GRM5: variants seen among roughly 807,000 people sequenced by gnomAD.
GRM5 encodes the protein glutamate metabotropic receptor 5, also known as metabotropic glutamate receptor 5.
GRM5 carries 19 observed loss-of-function variants against 83.1 expected under a neutral mutation model. The observed-to-expected ratio is 0.23, with a 90% CI of 0.16 to 0.34. The LOEUF (loss-of-function observed/expected upper bound fraction) is 0.34, where lower values mean the gene tolerates loss of function less well. Ranked by LOEUF, GRM5 falls within the 10% of genes least tolerant of loss-of-function variation. GRM5 has a pLI of 1.00. For missense variants in GRM5, 1,160 were observed against 1,588.3 expected (o/e 0.73, Z 4.58); for synonymous variants, 675 against 633.6 (o/e 1.07, Z -0.98).
At chr11:88,954,885 A>G (rs1938561901) in intron 2 of GRM5, among the ~76,000 whole-genome samples, 1 of 152,226 alleles carries the variant, frequency 6.6e-6, no homozygotes, top group Admixed American at 6.5e-5. Flanking sequence ...GTGAATGTAG[A>G]AAGGCTTCAA....
intron 2 of GRM5, among the ~76,000 whole-genome samples, chr11:88,892,232 T>C (rs990169914): frequency 1.3e-5 from 2 of 151,692 alleles, no homozygotes; most frequent in African/African-American, 4.8e-5. Flanking sequence ...AGGAAGTGTA[T>C]GCTTCCCCCT....
At chr11:88,566,435 A>G (rs1942876002) in intron 8 of GRM5, among the ~76,000 whole-genome samples, 1 of 152,194 alleles carries the variant, frequency 6.6e-6, no homozygotes, top group African/African-American at 2.4e-5. Flanking sequence ...AAGAATTGGG[A>G]AAATGACTGG....
At chr11:88,690,508 A>G (rs574946694) in intron 3 of GRM5, among the ~76,000 whole-genome samples, 2 of 152,332 alleles carry the variant, frequency 1.3e-5, no homozygotes, top group South Asian at 4.1e-4. Context: ...GAGTTCTGAA[A>G]TGAATTAATT....
chr11:88,868,816 C>T lies in GRM5; in HGVS notation c.662-18661G>A, dbSNP rs183663423. Among the ~76,000 whole-genome samples the T allele has an allele frequency of 3.2e-4, 49 of 151,818 alleles. No homozygotes were observed. In the East Asian group the frequency reaches 9.5e-3, roughly 29 times the overall value. On this transcript the variant is annotated intron_variant, in intron 2 of 9. Transcript: ENST00000305447. ...TTGCCTATGTGGGCACCTCACAAAG[C>T]AAATTGGAACAGATATAACCCCTGT...
intron 3 of GRM5, among the ~76,000 whole-genome samples, chr11:88,826,531 C>A (rs1943897064): frequency 6.6e-6 from 1 of 151,784 alleles, no homozygotes; most frequent in African/African-American, 2.4e-5. Context: ...GCCAATGGAC[C>A]AGCATCTGGT....
At chr11:89,044,029 T>G (rs151227120) in intron 2 of GRM5, among the ~76,000 whole-genome samples, 209 of 152,264 alleles carry the variant, frequency 1.4e-3, no homozygotes, top group African/African-American at 4.6e-3. Context: ...GAAGCACCAT[T>G]AGTAGACGTC....
At chr11:89,044,616 A>G (rs1183034240) in intron 2 of GRM5, among the ~76,000 whole-genome samples, 1 of 152,176 alleles carries the variant, frequency 6.6e-6, no homozygotes, top group Non-Finnish European at 1.5e-5. Context: ...ACAGACCTTA[A>G]TGGTTCATGT....
chr11:89,061,159 A>G (rs1941983927), intron 1 of GRM5, among the ~76,000 whole-genome samples: 1 of 152,176 alleles, frequency 6.6e-6, no homozygotes, highest in Admixed American at 6.5e-5. Flanking sequence ...ATCTATCTAT[A>G]TCGAGATACA....
intron 1 of GRM5, among the ~76,000 whole-genome samples, chr11:89,059,825 G>C (rs891222878): frequency 6.6e-6 from 1 of 151,972 alleles, no homozygotes; most frequent in Non-Finnish European, 1.5e-5. Flanking sequence ...AGAATGTGCA[G>C]GTTTGTTACA....
intron 3 of GRM5, among the ~76,000 whole-genome samples, chr11:88,798,818 A>G (rs1277509167): frequency 7.0e-6 from 1 of 143,578 alleles, no homozygotes; most frequent in Non-Finnish European, 1.5e-5. Flanking sequence ...AAAAAAAAAA[A>G]AAAAAAAAAC....
At chr11:88,593,123 G>C (rs934615223) in intron 6 of GRM5, among the ~76,000 whole-genome samples, 1 of 151,978 alleles carries the variant, frequency 6.6e-6, no homozygotes, top group African/African-American at 2.4e-5. Context: ...CCCACCCAGC[G>C]GTGCTTTCTT....
chr11:88,918,780 GT>G (rs1945638184), intron 2 of GRM5, among the ~76,000 whole-genome samples: 1 of 151,696 alleles, frequency 6.6e-6, no homozygotes, highest in African/African-American at 2.4e-5. Context: ...GTTTTTATTA[GT>G]TTTTCTTTGT....
chr11:88,902,651 T>C (rs780642113), intron 2 of GRM5, among the ~76,000 whole-genome samples: 2 of 151,722 alleles, frequency 1.3e-5, no homozygotes, highest in Admixed American at 1.3e-4. Flanking sequence ...GAAAAATAAA[T>C]ATGTGTGAAA....
At chr11:88,864,344 C>A (rs1209614470) in intron 2 of GRM5, among the ~76,000 whole-genome samples, 1 of 151,640 alleles carries the variant, frequency 6.6e-6, no homozygotes, top group South Asian at 2.1e-4. Context: ...AGTACAGTGG[C>A]GCTCCAGAAG....
chr11:88,845,439 T>C (rs1944284888), intron 3 of GRM5, among the ~76,000 whole-genome samples: 1 of 138,154 alleles, frequency 7.2e-6, no homozygotes, highest in Non-Finnish European at 1.6e-5. Context: ...TTTTTTTTTT[T>C]TTTTTTTTTT....
intron 2 of GRM5, among the ~76,000 whole-genome samples, chr11:89,046,112 A>G (rs1285142496): frequency 1.3e-5 from 2 of 152,196 alleles, no homozygotes; most frequent in Admixed American, 6.5e-5. Context: ...AGTCTGTGAT[A>G]TAGAAAACAA....
intron 2 of GRM5, chr11:89,008,948 T>C: frequency 3.6e-6 from 2 of 562,030 alleles, no homozygotes; most frequent in South Asian, 5.3e-5. Flanking sequence ...TTTAGCATAA[T>C]TTTAAAAACA....
chr11:88,969,937 T>A (rs1033034135), intron 2 of GRM5, among the ~76,000 whole-genome samples: 1 of 152,106 alleles, frequency 6.6e-6, no homozygotes, highest in Non-Finnish European at 1.5e-5. Context: ...CTTTTATACA[T>A]GATGTTATCT....
intron 3 of GRM5, among the ~76,000 whole-genome samples, chr11:88,836,095 T>C (rs1393006245): frequency 6.6e-6 from 1 of 152,170 alleles, no homozygotes; most frequent in African/African-American, 2.4e-5. Context: ...TTGAGTAATA[T>C]TGAAAACTTA....
Sources: gnomAD v4.1 joint callset for allele counts (sites outside exome capture counted in the v4.1 genomes callset) on GRCh38, gnomAD v4.1.1 for gene constraint, MANE v1.5 for transcripts, NCBI Gene and HGNC (gene_info 2026-07-23, HGNC 2026-07-21) for gene names.